LPGAT1: variants seen among roughly 807,000 people sequenced by gnomAD.
The protein encoded by LPGAT1 is lysophosphatidylglycerol acyltransferase 1.
Under a neutral mutation model 47.5 loss-of-function variants are expected in LPGAT1, and 11 were observed. The observed-to-expected ratio is 0.23, with a 90% CI of 0.15 to 0.38. LPGAT1 has a LOEUF of 0.38. Among genes scored for constraint, LPGAT1 ranks in the 10% least tolerant of loss-of-function variants. The pLI, the probability that LPGAT1 is intolerant of heterozygous loss-of-function variation, is 1.00. For missense variants in LPGAT1, 293 were observed against 439.0 expected (o/e 0.67, Z 2.97); for synonymous variants, 138 against 144.2 (o/e 0.96, Z 0.31).
intron 2 of LPGAT1, among the ~76,000 whole-genome samples, chr1:211,808,445 G>A (rs990641887): frequency 1.3e-5 from 2 of 151,238 alleles, no homozygotes; most frequent in African/African-American, 4.9e-5. Context: ...TCACCAAAGA[G>A]AACACAGATG....
chr1:211,771,920 T>C (rs1658190029), intron 6 of LPGAT1, among the ~76,000 whole-genome samples: 2 of 152,192 alleles, frequency 1.3e-5, no homozygotes, highest in African/African-American at 4.8e-5. Flanking sequence ...GAGTCTCCTA[T>C]ATTTTCTTCA....
intron 2 of LPGAT1, among the ~76,000 whole-genome samples, chr1:211,794,004 A>G (rs1228655666): frequency 2.0e-5 from 3 of 152,220 alleles, no homozygotes; most frequent in African/African-American, 7.2e-5. Flanking sequence ...CCATCTTTTT[A>G]AAGCAGGAAT....
At chr1:211,821,401 T>C (rs1220022743) in intron 2 of LPGAT1, among the ~76,000 whole-genome samples, 2 of 152,196 alleles carry the variant, frequency 1.3e-5, no homozygotes, top group East Asian at 3.8e-4. Flanking sequence ...CTGCACAAAG[T>C]ACCTGGGTGA....
intron 5 of LPGAT1, among the ~76,000 whole-genome samples, chr1:211,781,300 A>G (rs1307238162): frequency 6.6e-6 from 1 of 152,224 alleles, no homozygotes; most frequent in Admixed American, 6.5e-5. Context: ...TGCAGTCAGT[A>G]TAACAACTGC....
At chr1:211,800,722 C>T (rs1484797085) in intron 2 of LPGAT1, among the ~76,000 whole-genome samples, 5 of 152,224 alleles carry the variant, frequency 3.3e-5, no homozygotes, top group Non-Finnish European at 4.4e-5. Context: ...CCACCCCAAT[C>T]TCCTTTGAGA....
chr1:211,752,285 CT>C (rs904315475), intron 6 of LPGAT1, among the ~76,000 whole-genome samples: 2 of 151,878 alleles, frequency 1.3e-5, no homozygotes, highest in Non-Finnish European at 2.9e-5. Flanking sequence ...GGTCTGTAAG[CT>C]TTTTTTTAAA....
chr1:211,778,835 T>A, intron 6 of LPGAT1, 83 bp downstream of exon 6: 1 of 1,170,186 alleles, frequency 8.5e-7, no homozygotes, highest in Non-Finnish European at 1.1e-6. Context: ...TACTGTGTGA[T>A]TAAAAACTAA....
chr1:211,762,753 T>G (rs894799182), intron 6 of LPGAT1, among the ~76,000 whole-genome samples: 2 of 152,094 alleles, frequency 1.3e-5, no homozygotes, highest in Admixed American at 1.3e-4. Context: ...AAATCCATAG[T>G]CAGATTTAAA....
intron 2 of LPGAT1, among the ~76,000 whole-genome samples, chr1:211,828,556 AAAAG>A (rs1243463516): frequency 2.0e-5 from 3 of 152,356 alleles, no homozygotes; most frequent in African/African-American, 7.2e-5. Context: ...TCTAATAAAC[AAAAG>A]AAACATACGT....
chr1:211,774,174 G>C (rs1658294699), intron 6 of LPGAT1, among the ~76,000 whole-genome samples: 1 of 86,474 alleles, frequency 1.2e-5, no homozygotes, highest in African/African-American at 4.8e-5. Flanking sequence ...TTGATCTGTT[G>C]CTCAGGCTGG....
chr1:211,751,160 T>C (rs914835107), intron 6 of LPGAT1, 93 bp from the exon 7 acceptor site: 2 of 823,870 alleles, frequency 2.4e-6, no homozygotes, highest in African/African-American at 3.5e-5. Context: ...CTGAATAAAA[T>C]TGTGTTGTCA....
intron 6 of LPGAT1, among the ~76,000 whole-genome samples, chr1:211,773,290 A>G (rs892063692): frequency 6.6e-6 from 1 of 152,178 alleles, no homozygotes; most frequent in African/African-American, 2.4e-5. Flanking sequence ...TTTATCAATT[A>G]CAAATACCCT....
At chr1:211,787,784 A>G in intron 3 of LPGAT1, 57 bp from the exon 4 acceptor site, 1 of 1,031,806 alleles carries the variant, frequency 9.7e-7, no homozygotes, top group Non-Finnish European at 1.5e-6. Flanking sequence ...ACTATAGTTG[A>G]GCTGAGTCTC....
intron 2 of LPGAT1, among the ~76,000 whole-genome samples, chr1:211,802,756 G>T (rs1460536911): frequency 1.3e-5 from 2 of 152,034 alleles, no homozygotes; most frequent in African/African-American, 4.8e-5. Flanking sequence ...AGCATTTGAG[G>T]GTGTGGATTT....
At chr1:211,777,390 C>T (rs1658446358) in intron 6 of LPGAT1, among the ~76,000 whole-genome samples, 1 of 152,288 alleles carries the variant, frequency 6.6e-6, no homozygotes, top group East Asian at 1.9e-4. Flanking sequence ...AAAAGTATAT[C>T]TCCTCACTTG....
chr1:211,755,063 C>T (rs1657382903), intron 6 of LPGAT1, among the ~76,000 whole-genome samples: 2 of 126,352 alleles, frequency 1.6e-5, no homozygotes, highest in African/African-American at 3.1e-5. Context: ...AAAAGCCAGG[C>T]GAGGTGGCTC....
chr1:211,793,002 G>A, intron 3 of LPGAT1, 70 bp downstream of exon 3: 3 of 1,051,784 alleles, frequency 2.9e-6, no homozygotes, highest in South Asian at 3.0e-5. Flanking sequence ...GAGCCACCAT[G>A]CCCGGCCAAA....
At chr1:211,811,463 A>G (rs1276650428) in intron 2 of LPGAT1, among the ~76,000 whole-genome samples, 1 of 152,172 alleles carries the variant, frequency 6.6e-6, no homozygotes, top group Non-Finnish European at 1.5e-5. Flanking sequence ...TTTTTTAAAG[A>G]TGGGAGTATC....
rs1016308763 is a variant in LPGAT1, at chr1:211,744,050, T to C, written c.*5849A>G. On this transcript the variant is annotated 3_prime_UTR_variant, in exon 8 of 8. Coordinates refer to ENST00000366997, the MANE Select transcript of LPGAT1 (RefSeq NM_014873.3). Reference sequence around the variant, plus strand: ...TATGCAAGCTTCCCATGTATTTCAGTAAATGTTTTCTTTCTGTCACATTCT... The same window carrying C: ...TATGCAAGCTTCCCATGTATTTCAGCAAATGTTTTCTTTCTGTCACATTCT... The C allele has an allele frequency of 6.6e-6, 1 of 152,216 alleles. No individual in the cohort carries two copies. The highest frequency in any genetic ancestry group is 2.4e-5 in the African/African-American group (1 of 41,452). 9.4% of individuals were successfully genotyped at this position (152,216 alleles called of 1,614,324 possible).
Sources: gnomAD v4.1 joint callset for allele counts (sites outside exome capture counted in the v4.1 genomes callset) on GRCh38, gnomAD v4.1.1 for gene constraint, MANE v1.5 for transcripts, NCBI Gene and HGNC (gene_info 2026-07-23, HGNC 2026-07-21) for gene names.